PTPRM: variants seen among roughly 807,000 people sequenced by gnomAD.
PTPRM encodes the protein receptor-type tyrosine-protein phosphatase mu.
A neutral mutation model predicts 186.7 loss-of-function variants in PTPRM; 47 were observed. The ratio of observed to expected loss-of-function variants is 0.25; its 90% CI spans 0.20 to 0.32. PTPRM has a LOEUF of 0.32. Ranked by LOEUF, PTPRM falls within the 10% of genes least tolerant of loss-of-function variation. The probability of loss-of-function intolerance (pLI) is 1.00; values close to 1 mark genes in which losing one functional copy is unlikely to be tolerated. For synonymous variants in PTPRM, 668 were observed against 674.9 expected, an observed-to-expected ratio of 0.99 and a Z score of 0.16; for missense variants, 1,494 against 1,865.0, an observed-to-expected ratio of 0.80 and a Z score of 3.66.
At chr18:7,904,162 T>G (rs1404054640) in intron 3 of PTPRM, among the ~76,000 whole-genome samples, 5 of 152,176 alleles carry the variant, frequency 3.3e-5, no homozygotes, top group Non-Finnish European at 7.3e-5. Context: ...TGGAAATCAT[T>G]GTAGAGTCAC....
At chr18:8,077,040 G>C (rs1266676393) in intron 9 of PTPRM, among the ~76,000 whole-genome samples, 4 of 151,964 alleles carry the variant, frequency 2.6e-5, no homozygotes, top group Non-Finnish European at 2.9e-5. Context: ...ACATCCTTTC[G>C]ACTTCTGTGA....
At chr18:7,987,498 C>G (rs2083026780) in intron 7 of PTPRM, among the ~76,000 whole-genome samples, 1 of 152,130 alleles carries the variant, frequency 6.6e-6, no homozygotes, top group Non-Finnish European at 1.5e-5. Context: ...TTGGCAGGCT[C>G]CCTGTCATTC....
At chr18:7,984,956 ATTATATACATATAATT>A (rs2082808488) in intron 7 of PTPRM, among the ~76,000 whole-genome samples, 1 of 124,014 alleles carries the variant, frequency 8.1e-6, no homozygotes, top group African/African-American at 3.3e-5. Flanking sequence ...TACATATATA[ATTATATACATATAATT>A]ATATATACAT....
At chr18:7,998,008 C>T (rs1370793164) in intron 7 of PTPRM, among the ~76,000 whole-genome samples, 2 of 152,088 alleles carry the variant, frequency 1.3e-5, no homozygotes, top group Non-Finnish European at 2.9e-5. Context: ...CTGTATAATA[C>T]AGCAGTCCCA....
chr18:8,018,918 A>G (rs181215321), intron 7 of PTPRM, among the ~76,000 whole-genome samples: 213 of 152,318 alleles, frequency 1.4e-3, no homozygotes, highest in African/African-American at 4.5e-3. Flanking sequence ...TTCCAGTCCA[A>G]GCTGCCACAC....
At chr18:8,138,928 C>A (rs1011546621) in intron 13 of PTPRM, among the ~76,000 whole-genome samples, 1 of 152,106 alleles carries the variant, frequency 6.6e-6, no homozygotes, top group African/African-American at 2.4e-5. Flanking sequence ...TTCGCCTGGA[C>A]ATCCGCCTCC....
intron 3 of PTPRM, among the ~76,000 whole-genome samples, chr18:7,905,289 A>G (rs746224519): frequency 3.3e-5 from 5 of 152,040 alleles, no homozygotes; most frequent in South Asian, 2.1e-4. Context: ...CACCGCGCCC[A>G]GCCCTGGTTC....
intron 2 of PTPRM, among the ~76,000 whole-genome samples, chr18:7,842,483 C>T (rs1038832727): frequency 1.3e-5 from 2 of 152,102 alleles, no homozygotes; most frequent in Non-Finnish European, 2.9e-5. Flanking sequence ...GAAGTCCAGA[C>T]GTTGCCGTGA....
intron 7 of PTPRM, among the ~76,000 whole-genome samples, chr18:7,987,722 T>G (rs2083040401): frequency 6.6e-6 from 1 of 152,170 alleles, no homozygotes; most frequent in Non-Finnish European, 1.5e-5. Context: ...ATCCATTAAA[T>G]CACATCTAAT....
At chr18:8,104,248 A>G (rs2091419678) in intron 11 of PTPRM, among the ~76,000 whole-genome samples, 1 of 152,204 alleles carries the variant, frequency 6.6e-6, no homozygotes, top group Non-Finnish European at 1.5e-5. Context: ...GTGAAGCCCA[A>G]TAATGTGAAG....
At chr18:8,156,324 A>G (rs1421950495) in intron 14 of PTPRM, among the ~76,000 whole-genome samples, 1 of 152,188 alleles carries the variant, frequency 6.6e-6, no homozygotes. Context: ...GGAAAGTGTC[A>G]GAGAATGATA....
chr18:7,592,739 TAGAG>T (rs141327275), intron 1 of PTPRM, among the ~76,000 whole-genome samples: 6,273 of 152,256 alleles, frequency 0.041, 169 homozygotes, highest in South Asian at 0.12. Flanking sequence ...GTGATGTTGA[TAGAG>T]AAAGTTGTCA....
At chr18:8,013,958 A>G (rs1387341092) in intron 7 of PTPRM, among the ~76,000 whole-genome samples, 2 of 152,200 alleles carry the variant, frequency 1.3e-5, no homozygotes, top group East Asian at 3.8e-4. Flanking sequence ...AGTGAAAATT[A>G]TATCTAAACA....
At chr18:7,710,110 C>G (rs2040180585) in intron 1 of PTPRM, among the ~76,000 whole-genome samples, 2 of 152,138 alleles carry the variant, frequency 1.3e-5, no homozygotes, top group African/African-American at 4.8e-5. Flanking sequence ...AACCTACAGA[C>G]CAATATCCCT....
chr18:7,624,111 A>G (rs1195339235), intron 1 of PTPRM, among the ~76,000 whole-genome samples: 1 of 152,166 alleles, frequency 6.6e-6, no homozygotes, highest in Admixed American at 6.5e-5. Flanking sequence ...GGGATTTTAC[A>G]TTTTAAAAAT....
intron 14 of PTPRM, among the ~76,000 whole-genome samples, chr18:8,162,209 C>G (rs1180632792): frequency 6.6e-6 from 1 of 151,840 alleles, no homozygotes; most frequent in Non-Finnish European, 1.5e-5. Flanking sequence ...AAGCAATTCT[C>G]CTGCCTCAGC....
chr18:8,237,265 CAATT>C (rs1431615792), intron 14 of PTPRM, among the ~76,000 whole-genome samples: 1 of 152,032 alleles, frequency 6.6e-6, no homozygotes, highest in Non-Finnish European at 1.5e-5. Context: ...TCTGCTATAT[CAATT>C]AAGAATTTTA....
intron 1 of PTPRM, among the ~76,000 whole-genome samples, chr18:7,708,611 A>C (rs1263086144): frequency 6.6e-6 from 1 of 152,086 alleles, no homozygotes; most frequent in Non-Finnish European, 1.5e-5. Context: ...TTAGCTCTCT[A>C]TTGCTGTTCT....
chr18:7,723,247 TTC>T (rs1187530659), intron 1 of PTPRM, among the ~76,000 whole-genome samples: 1 of 152,228 alleles, frequency 6.6e-6, no homozygotes, highest in Non-Finnish European at 1.5e-5. Context: ...TGCTGGTATT[TTC>T]TTTTATCTTT....
Sources: gnomAD v4.1 joint callset for allele counts (sites outside exome capture counted in the v4.1 genomes callset) on GRCh38, gnomAD v4.1.1 for gene constraint, MANE v1.5 for transcripts, NCBI Gene and HGNC (gene_info 2026-07-23, HGNC 2026-07-21) for gene names.